Variants in DTNB observed in about 807,000 individuals in gnomAD.
DTNB encodes DTN-B.
In DTNB, 63 loss-of-function variants were observed where a neutral mutation model predicts 90.7. That is an observed-to-expected ratio of 0.69 (90% CI 0.57 to 0.86). The LOEUF is 0.86. Ranked by LOEUF, DTNB falls within the 40% of genes least tolerant of loss-of-function variation. The pLI is 0.00. For missense variants in DTNB, 744 were observed against 807.1 expected, an observed-to-expected ratio of 0.92 and a Z score of 0.95; for synonymous variants, 277 against 286.7, an observed-to-expected ratio of 0.97 and a Z score of 0.34.
intron 12 of DTNB, among the ~76,000 whole-genome samples, chr2:25,442,771 C>G (rs2057719964): frequency 1.3e-5 from 2 of 152,212 alleles, no homozygotes; most frequent in Admixed American, 6.5e-5. Context: ...GTTTGAATCT[C>G]AAATCTAGCT....
At chr2:25,626,764 T>C (rs946440375) in intron 4 of DTNB, among the ~76,000 whole-genome samples, 1 of 152,214 alleles carries the variant, frequency 6.6e-6, no homozygotes, top group Non-Finnish European at 1.5e-5. Context: ...TATTATAAGA[T>C]ATAACTAATA....
chr2:25,581,491 C>T (rs954908351), intron 6 of DTNB, among the ~76,000 whole-genome samples: 2 of 152,202 alleles, frequency 1.3e-5, no homozygotes, highest in African/African-American at 4.8e-5. Flanking sequence ...CACAATGCTC[C>T]TGTTATACCA....
chr2:25,528,786 G>C lies in DTNB; in HGVS notation c.1001+2687C>G, dbSNP rs149187120. 6.6e-3 allele frequency among the ~76,000 whole-genome samples: 1,007 copies of C among 152,282 alleles called. 4 individuals carry two copies. The highest frequency in any genetic ancestry group is 0.018 in the African/African-American group (748 of 41,556). On this transcript the variant is annotated intron_variant, in intron 9 of 20. Coordinates refer to ENST00000406818, the MANE Select transcript of DTNB (RefSeq NM_021907.5). ...TAGCTGTAGGAAAAAGGACACTACT[G>C]ATACTTTTTGTAACAGCAATTACAA...
intron 9 of DTNB, among the ~76,000 whole-genome samples, chr2:25,519,511 A>C (rs1192971259): frequency 6.6e-6 from 1 of 152,160 alleles, no homozygotes. Flanking sequence ...TAGGAATCAA[A>C]GTACAAGTTG....
At chr2:25,500,933 A>C (rs896123372) in intron 9 of DTNB, among the ~76,000 whole-genome samples, 1 of 152,222 alleles carries the variant, frequency 6.6e-6, no homozygotes, top group Admixed American at 6.5e-5. Context: ...ACTGCTGGCC[A>C]CTTTTGAGGA....
At chr2:25,465,890 G>C (rs905286077) in intron 10 of DTNB, among the ~76,000 whole-genome samples, 2 of 152,154 alleles carry the variant, frequency 1.3e-5, no homozygotes, top group Non-Finnish European at 2.9e-5. Flanking sequence ...TTCTTTGCTA[G>C]AACAGCAGCT....
chr2:25,655,608 T>C (rs747357470), intron 1 of DTNB, among the ~76,000 whole-genome samples: 3 of 152,140 alleles, frequency 2.0e-5, no homozygotes, highest in Non-Finnish European at 4.4e-5. Context: ...CTGGAGCCAG[T>C]CCTAACATGC....
At chr2:25,483,007 G>A in intron 9 of DTNB, 134 bp from the exon 10 acceptor site, 7 of 863,996 alleles carry the variant, frequency 8.1e-6, no homozygotes, top group South Asian at 2.4e-5. Flanking sequence ...TGGGGAGGGG[G>A]GGGACCCATG....
intron 6 of DTNB, among the ~76,000 whole-genome samples, chr2:25,589,216 C>T (rs903598524): frequency 5.3e-5 from 8 of 152,072 alleles, no homozygotes; most frequent in Admixed American, 1.3e-4. Flanking sequence ...CCACTGCCTC[C>T]GTGAATCAAG....
At chr2:25,541,170 C>T (rs1264342700) in intron 8 of DTNB, among the ~76,000 whole-genome samples, 2 of 151,862 alleles carry the variant, frequency 1.3e-5, no homozygotes, top group Non-Finnish European at 2.9e-5. Flanking sequence ...CTTTTATTGT[C>T]ATAAAAATAT....
intron 9 of DTNB, among the ~76,000 whole-genome samples, chr2:25,529,536 T>A (rs1193325766): frequency 1.3e-5 from 2 of 151,240 alleles, no homozygotes; most frequent in East Asian, 1.9e-4. Context: ...GGGGAACAGA[T>A]AAACTGTGCT....
At chr2:25,650,974 ATAAT>A (rs745806559) in intron 2 of DTNB, among the ~76,000 whole-genome samples, 1 of 150,148 alleles carries the variant, frequency 6.7e-6, no homozygotes, top group East Asian at 1.9e-4. Flanking sequence ...AAAAAAAAAA[ATAAT>A]AATAATAAGT....
At chr2:25,491,490 G>A (rs887358946) in intron 9 of DTNB, among the ~76,000 whole-genome samples, 1 of 152,158 alleles carries the variant, frequency 6.6e-6, no homozygotes, top group Admixed American at 6.5e-5. Flanking sequence ...TCAGCACCAT[G>A]TTGCGGAATA....
rs937469818 is a variant in DTNB, at chr2:25,387,613, C to T, written c.1736-235G>A. On this transcript the variant is annotated intron_variant, in intron 17 of 20. Coordinates refer to ENST00000406818, the MANE Select transcript of DTNB (RefSeq NM_021907.5). This position sits in a 1 kb window ranked among gnomAD's most constrained non-coding sequence, Gnocchi z 4.5. The stretch of plus-strand genomic sequence containing the variant: ...AGGGAGCAGCATCCTGTCAACTCCA[C>T]GCTTTGCCGCCACCACACAATCCAG... 3.9e-5 allele frequency among the ~76,000 whole-genome samples: 6 copies of T among 152,204 alleles called. No homozygotes were observed. The highest frequency in any genetic ancestry group is 6.5e-5 in the Admixed American group (1 of 15,286).
At chr2:25,646,554 C>T (rs755435262) in intron 2 of DTNB, among the ~76,000 whole-genome samples, 1 of 152,094 alleles carries the variant, frequency 6.6e-6, no homozygotes, top group Non-Finnish European at 1.5e-5. Flanking sequence ...TATGAGAAAA[C>T]GCTAGTCTCC....
At position 25,394,506 on chromosome 2, in the gene DTNB, T is replaced by C. The variant is rs552609374; in HGVS notation, c.1576-6145A>G. Among the ~76,000 whole-genome samples, 9 of 152,210 alleles carry C rather than the reference T, an allele frequency of 5.9e-5. No individual in the cohort carries two copies. In the South Asian group the frequency reaches 1.9e-3, roughly 32 times the overall value. ...ACAAACTATACATCTGACACAGGACTAATATTCAGAATCTACAAAGAAAAC... is the reference window on the plus strand; with the variant it reads ...ACAAACTATACATCTGACACAGGACCAATATTCAGAATCTACAAAGAAAAC... On this transcript the variant is annotated intron_variant, in intron 16 of 20. Transcript: ENST00000406818.
intron 15 of DTNB, among the ~76,000 whole-genome samples, chr2:25,420,767 G>A (rs923351797): frequency 3.9e-5 from 6 of 152,312 alleles, no homozygotes; most frequent in Middle Eastern, 6.8e-3. Flanking sequence ...ACAGGTGTGA[G>A]CCACTGCACC....
intron 5 of DTNB, among the ~76,000 whole-genome samples, chr2:25,596,711 G>A (rs2064733958): frequency 6.6e-6 from 1 of 152,140 alleles, no homozygotes; most frequent in South Asian, 2.1e-4. Context: ...TACTGATGAT[G>A]TAATGCATGC....
chr2:25,639,267 A>G, intron 2 of DTNB, 173 bp from the exon 3 acceptor site: 1 of 529,732 alleles, frequency 1.9e-6, no homozygotes, highest in Admixed American at 3.3e-5. Context: ...AAACACGTGC[A>G]TCTCCAGTAT....
Sources: gnomAD v4.1 joint callset for allele counts (sites outside exome capture counted in the v4.1 genomes callset) on GRCh38, gnomAD v4.1.1 for gene constraint, Gnocchi (gnomAD v3.1) non-coding constraint, MANE v1.5 for transcripts, NCBI Gene and HGNC (gene_info 2026-07-23, HGNC 2026-07-21) for gene names.